Variants in NPLOC4 observed in about 807,000 individuals in gnomAD.
NPLOC4 encodes the protein nuclear protein localization protein 4 homolog.
Under a neutral mutation model 80.6 loss-of-function variants are expected in NPLOC4, and 18 were observed. That is an observed-to-expected ratio of 0.22 (90% CI 0.15 to 0.33). The LOEUF (loss-of-function observed/expected upper bound fraction) is 0.33. Ranked by LOEUF, NPLOC4 falls within the 10% of genes least tolerant of loss-of-function variation. The pLI, the probability that NPLOC4 is intolerant of heterozygous loss-of-function variation, is 1.00. For missense variants in NPLOC4, 540 were observed against 786.1 expected, an observed-to-expected ratio of 0.69 and a Z score of 3.74; for synonymous variants, 313 against 301.5, an observed-to-expected ratio of 1.04 and a Z score of -0.39.
chr17:81,581,618 C>G (rs1030173103), intron 12 of NPLOC4, among the ~76,000 whole-genome samples: 11 of 152,184 alleles, frequency 7.2e-5, no homozygotes, highest in African/African-American at 2.4e-4. Context: ...CTCACTCCCC[C>G]ACAACGATTA....
At chr17:81,632,013 G>C (rs1210204241) in intron 1 of NPLOC4, among the ~76,000 whole-genome samples, 1 of 151,362 alleles carries the variant, frequency 6.6e-6, no homozygotes, top group Middle Eastern at 3.4e-3. Flanking sequence ...AGGGTGGAGT[G>C]CAGTGGCGCA....
In NPLOC4 at chr17:81,577,308, T is replaced by C. The variant is rs1017322032; in HGVS notation, c.1282-5220A>G. 6.6e-6 allele frequency among the ~76,000 whole-genome samples: 1 copy of C among 151,950 alleles called. No homozygotes were observed. Among genetic ancestry groups the C allele is most frequent in the Admixed American group, 6.6e-5 (1 of 15,252 alleles). ...AGACAGAGGACCCCAGCACTGTCCCTTGGCACCAGGACATCACCCTCCCAC... is the reference window on the plus strand; with the variant it reads ...AGACAGAGGACCCCAGCACTGTCCCCTGGCACCAGGACATCACCCTCCCAC... On this transcript the variant is annotated intron_variant, in intron 12 of 16. Transcript: ENST00000331134. This position sits in a 1 kb window ranked among gnomAD's most constrained non-coding sequence, Gnocchi z 4.3.
At chr17:81,606,619 C>A in intron 7 of NPLOC4, 72 bp downstream of exon 7, 1 of 1,545,230 alleles carries the variant, frequency 6.5e-7, no homozygotes, top group South Asian at 1.2e-5. Flanking sequence ...GCATTCCACT[C>A]CAAGGGGCTC....
chr17:81,606,252 C>A (rs957024291), intron 7 of NPLOC4, among the ~76,000 whole-genome samples: 2 of 152,142 alleles, frequency 1.3e-5, no homozygotes, highest in African/African-American at 2.4e-5. Context: ...GAAGGCGAGG[C>A]AGGCTACTCA....
chr17:81,631,213 A>G (rs1172332562), intron 1 of NPLOC4, among the ~76,000 whole-genome samples: 1 of 151,360 alleles, frequency 6.6e-6, no homozygotes, highest in Non-Finnish European at 1.5e-5. Flanking sequence ...ATTAAAAGCA[A>G]TAAAGGTCTT....
At chr17:81,635,921 T>TG in intron 1 of NPLOC4, among the ~76,000 whole-genome samples, 1 of 89,380 alleles carries the variant, frequency 1.1e-5, no homozygotes, top group Admixed American at 1.2e-4. Flanking sequence ...AACGAGGGAC[T>TG]GGTTTTCTGA....
chr17:81,610,301 G>A (rs758359759), intron 4 of NPLOC4, 43 bp from the exon 5 acceptor site: 1 of 1,541,750 alleles, frequency 6.5e-7, no homozygotes, highest in Non-Finnish European at 8.8e-7. Context: ...CAGTGAGGAT[G>A]TCTGTGTTCC....
At chr17:81,627,199 A>ACCT (rs758765380) in intron 2 of NPLOC4, among the ~76,000 whole-genome samples, 27 of 150,708 alleles carry the variant, frequency 1.8e-4, no homozygotes, top group Middle Eastern at 7.0e-3. Flanking sequence ...GACCATCCTC[A>ACCT]CTAACACAGT....
Position 81,629,811 on chromosome 17 carries a change from G to A in NPLOC4, c.16-6C>T, listed in dbSNP as rs75782971. The A allele has an allele frequency of 3.2e-4, 509 of 1,608,418 alleles. 8 individuals carry two copies. The East Asian group carries it at 0.011, about 36-fold the overall frequency. ...GGGGACTGGACACGAATTATCTGTT[G>A]CAAACAAAACATGATGGTTACTGCA... On this transcript the variant is annotated splice_polypyrimidine_tract_variant and splice_region_variant and intron_variant, in intron 1 of 16. Coordinates refer to ENST00000331134, the MANE Select transcript of NPLOC4 (RefSeq NM_017921.4).
At chr17:81,585,975 C>A (rs1268830200) in intron 12 of NPLOC4, among the ~76,000 whole-genome samples, 1 of 152,064 alleles carries the variant, frequency 6.6e-6, no homozygotes, top group Non-Finnish European at 1.5e-5. Context: ...GGTGACAGAG[C>A]GAGATGCTGT....
intron 12 of NPLOC4, among the ~76,000 whole-genome samples, chr17:81,585,093 C>G (rs1481743783): frequency 7.4e-6 from 1 of 135,704 alleles, no homozygotes; most frequent in Non-Finnish European, 1.5e-5. Flanking sequence ...TTGCTTGAAC[C>G]CGGGAGGCGG....
chr17:81,608,820 T>C lies in NPLOC4; in HGVS notation c.438A>G (p.Pro146=). 6.3e-7 allele frequency: 1 copy of C among 1,576,074 alleles called. No homozygotes were observed. Among genetic ancestry groups the C allele is most frequent in the Non-Finnish European group, 8.6e-7 (1 of 1,160,340 alleles). ...GATGGTTTAGATAGTCCTCATCGAA[T>C]GGCTGCCAAGACACAGAGTAAGCGA... is the stretch of plus-strand genomic sequence containing the variant. The part of the protein sequence containing the change: ...GKCVHCVPLE[P]FDEDYLNHLE... Residue 146 remains proline (P), a splice_region_variant and synonymous_variant, in exon 6 of 17, where the codon CCA becomes CCG. Transcript: ENST00000331134.
intron 4 of NPLOC4, among the ~76,000 whole-genome samples, chr17:81,611,778 T>C (rs1369295676): frequency 6.6e-6 from 1 of 151,162 alleles, no homozygotes; most frequent in Non-Finnish European, 1.5e-5. Context: ...GCAAACACGG[T>C]GAAACCCCGT....
chr17:81,630,975 C>G lies in NPLOC4; in HGVS notation c.16-1170G>C, dbSNP rs550385073. On this transcript the variant is annotated intron_variant, in intron 1 of 16. Coordinates refer to ENST00000331134, the MANE Select transcript of NPLOC4 (RefSeq NM_017921.4). The stretch of plus-strand genomic sequence containing the variant: ...ATCACCTGAGGTCAGGAGTTCGAGA[C>G]CAGCCTGGCCAACATGGTGAAACCC... 7.9e-5 allele frequency among the ~76,000 whole-genome samples: 12 copies of G among 151,672 alleles called. No individual in the cohort carries two copies. In the South Asian group the frequency reaches 2.5e-3, roughly 32 times the overall value.
At chr17:81,587,770 G>C (rs563848039) in intron 12 of NPLOC4, among the ~76,000 whole-genome samples, 22 of 132,144 alleles carry the variant, frequency 1.7e-4, no homozygotes, top group Non-Finnish European at 2.8e-4. Flanking sequence ...CCAGGTTCAC[G>C]CCATTCTCCT....
rs770634302 is a variant in NPLOC4, at chr17:81,588,961, G to C, written c.1264C>G (p.Pro422Ala). 6.2e-7 allele frequency: 1 copy of C among 1,613,490 alleles called. No homozygotes were observed. Residue 422 changes from proline to alanine, a missense_variant, in exon 12 of 17, where the codon CCT becomes GCT. Physicochemically the swap from Pro to Ala is conservative, Grantham distance 27. This residue lies in a region of NPLOC4 where 251 missense variants were observed against 377.5 expected (regional missense o/e 0.66). Coordinates refer to ENST00000331134, the MANE Select transcript of NPLOC4 (RefSeq NM_017921.4). ...ACTTTTACCTTATAAAACACATCAG[G>C]CACGTACTGCTCACTGCTAGACTCC... ...AKESSSEQYV[P>A]DVFYKDVDKF...
At chr17:81,600,887 C>T (rs914360928) in intron 8 of NPLOC4, among the ~76,000 whole-genome samples, 10 of 152,220 alleles carry the variant, frequency 6.6e-5, no homozygotes, top group African/African-American at 2.4e-4. Context: ...CTGTGTGCCA[C>T]TCCTGCAGAG....
chr17:81,631,414 A>C, intron 1 of NPLOC4, among the ~76,000 whole-genome samples: 1 of 113,490 alleles, frequency 8.8e-6, no homozygotes, highest in Non-Finnish European at 1.7e-5. Context: ...ATGCATATTA[A>C]AGTGTACATA....
intron 1 of NPLOC4, among the ~76,000 whole-genome samples, chr17:81,631,442 T>A (rs947813467): frequency 0.23 from 7,265 of 31,910 alleles, 534 homozygotes; most frequent in African/African-American, 0.44. Context: ...ATATATTTTT[T>A]TTTTTTTTTT....
Sources: gnomAD v4.1 joint callset for allele counts (sites outside exome capture counted in the v4.1 genomes callset) on GRCh38, gnomAD v4.1.1 for gene constraint, gnomAD v4.1.1 regional missense constraint, Gnocchi (gnomAD v3.1) non-coding constraint, MANE v1.5 for transcripts, NCBI Gene and HGNC (gene_info 2026-07-23, HGNC 2026-07-21) for gene names.